Variants in RTN4 observed in about 807,000 individuals in gnomAD.
RTN4 encodes reticulon 4.
In RTN4, 32 loss-of-function variants were observed where a neutral mutation model predicts 90.4. That is an observed-to-expected ratio of 0.35 (90% CI 0.27 to 0.48). RTN4 has a LOEUF of 0.48. Ranked by LOEUF, RTN4 falls within the 20% of genes least tolerant of loss-of-function variation. The pLI is 0.99. For synonymous variants in RTN4, 629 were observed against 552.5 expected, an observed-to-expected ratio of 1.14 and a Z score of -1.94; for missense variants, 1,706 against 1,430.2, an observed-to-expected ratio of 1.19 and a Z score of -3.11.
At chr2:54,981,245 C>T (rs957305530) in intron 5 of RTN4, among the ~76,000 whole-genome samples, 9 of 150,668 alleles carry the variant, frequency 6.0e-5, no homozygotes, top group African/African-American at 9.8e-5. Flanking sequence ...CTGAAAATAA[C>T]GTATCAACTA....
At chr2:55,015,231 G>C (rs2104811622) in intron 3 of RTN4, among the ~76,000 whole-genome samples, 1 of 152,178 alleles carries the variant, frequency 6.6e-6, no homozygotes, top group Non-Finnish European at 1.5e-5. Flanking sequence ...TTTTCCACAA[G>C]ATTGCTGCCT....
intron 1 of RTN4, 48 bp from the exon 2 acceptor site, chr2:55,028,268 A>G (rs765324200): frequency 6.5e-7 from 1 of 1,530,422 alleles, no homozygotes; most frequent in East Asian, 2.3e-5. Context: ...AGACAGATTG[A>G]AAGGAGACTA....
intron 1 of RTN4, among the ~76,000 whole-genome samples, chr2:55,042,992 C>T (rs1241554432): frequency 6.6e-6 from 1 of 152,174 alleles, no homozygotes; most frequent in Non-Finnish European, 1.5e-5. Context: ...CAATGATCAT[C>T]ATTCCAAGAA....
chr2:55,120,652 G>T, the RTN4 span, among the ~76,000 whole-genome samples: 3 of 152,108 alleles, frequency 2.0e-5, no homozygotes, highest in Admixed American at 2.0e-4. Context: ...TCTCAAGCAA[G>T]TGAAAAAATG....
At chr2:55,077,731 A>G (rs1668627887) in intron 2 of RTN4, among the ~76,000 whole-genome samples, 1 of 150,128 alleles carries the variant, frequency 6.7e-6, no homozygotes, top group Non-Finnish European at 1.5e-5. Context: ...CCATCAATCA[A>G]CAAGTGGATA....
rs777467035 is a variant in RTN4, at chr2:54,987,732, GTTATT to G, written c.3014-39_3014-35del. ...TGAAAAAGAAATCTGAAATTAGAAT[GTTATT>G]TTATCAATTTGGATTTGCTCCATCT... On this transcript the variant is annotated intron_variant, in intron 3 of 8. Coordinates refer to ENST00000337526, the MANE Select transcript of RTN4 (RefSeq NM_020532.5). 14 of 1,521,792 alleles carry G rather than the reference GTTATT, an allele frequency of 9.2e-6. No homozygotes were observed. The South Asian group carries it at 1.4e-4, about 15-fold the overall frequency. 94.3% of individuals were successfully genotyped at this position (1,521,792 alleles called of 1,614,324 possible).
intron 2 of RTN4, among the ~76,000 whole-genome samples, chr2:55,076,556 C>G (rs1381986913): frequency 6.6e-6 from 1 of 151,970 alleles, no homozygotes; most frequent in African/African-American, 2.4e-5. Context: ...TGCATAACCA[C>G]GCTGAGCTAA....
At chr2:55,126,364 C>T in the RTN4 span, among the ~76,000 whole-genome samples, 3 of 150,556 alleles carry the variant, frequency 2.0e-5, no homozygotes, top group African/African-American at 7.3e-5. Flanking sequence ...AGCAAAACTC[C>T]GTCTCAAAAA....
intron 3 of RTN4, among the ~76,000 whole-genome samples, chr2:55,001,060 A>G (rs1415798888): frequency 2.0e-5 from 3 of 152,042 alleles, no homozygotes; most frequent in Admixed American, 6.5e-5. Flanking sequence ...TTTAAGAATG[A>G]TATTAAAATT....
chr2:55,026,532 G>C lies in RTN4; in HGVS notation c.1567C>G (p.Gln523Glu), dbSNP rs940970781. ...KTSNPFLVAA[Q>E]DSETDYVTTD... The stretch of plus-strand genomic sequence containing the variant: ...GTGACATAATCTGTCTCAGAATCCT[G>C]TGCTGCTACAAGAAAAGGGTTTGAT... Residue 523 changes from glutamine (Q) to glutamate (E), a missense_variant, in exon 3 of 9, where the codon CAG (glutamine) becomes GAG (glutamate). Gln to Glu is a conservative substitution (Grantham distance 29). Transcript: ENST00000337526. 9 of 1,613,788 alleles carry C rather than the reference G, an allele frequency of 5.6e-6. No individual in the cohort carries two copies. Among genetic ancestry groups the C allele is most frequent in the Non-Finnish European group, 7.6e-6 (9 of 1,179,916 alleles).
At chr2:55,099,759 G>T (rs1169535398) in intron 1 of RTN4, among the ~76,000 whole-genome samples, 1 of 152,074 alleles carries the variant, frequency 6.6e-6, no homozygotes, top group Non-Finnish European at 1.5e-5. Flanking sequence ...CTGTGCTTCA[G>T]TTTTTCTCAA....
chr2:55,109,521 G>C (rs972294028), intron 1 of RTN4, among the ~76,000 whole-genome samples: 1 of 152,088 alleles, frequency 6.6e-6, no homozygotes, highest in Admixed American at 6.6e-5. Context: ...GCTTTGACAA[G>C]GACATTTATC....
At chr2:55,108,200 C>T (rs952111163) in intron 1 of RTN4, among the ~76,000 whole-genome samples, 5 of 152,144 alleles carry the variant, frequency 3.3e-5, no homozygotes, top group African/African-American at 1.2e-4. Flanking sequence ...GGTGATCCAC[C>T]TGCCTCGGCC....
At chr2:55,125,888 C>T in the RTN4 span, among the ~76,000 whole-genome samples, 2 of 150,700 alleles carry the variant, frequency 1.3e-5, no homozygotes, top group Non-Finnish European at 3.0e-5. Flanking sequence ...AGTGAAACCC[C>T]ATCTCTAATA....
At chr2:55,068,326 T>A (rs1041466667) in intron 2 of RTN4, among the ~76,000 whole-genome samples, 2 of 152,148 alleles carry the variant, frequency 1.3e-5, no homozygotes, top group Non-Finnish European at 2.9e-5. Flanking sequence ...AACATCATAT[T>A]GAAAATATCA....
At chr2:55,021,166 C>A (rs1681400488) in intron 3 of RTN4, among the ~76,000 whole-genome samples, 1 of 152,126 alleles carries the variant, frequency 6.6e-6, no homozygotes, top group African/African-American at 2.4e-5. Flanking sequence ...TTTAAGTCAT[C>A]TGAGAAGAGA....
intron 6 of RTN4, 34 bp from the exon 7 acceptor site, chr2:54,973,901 ACGGAATGATTT>A: frequency 6.3e-7 from 1 of 1,591,626 alleles, no homozygotes; most frequent in Non-Finnish European, 8.6e-7. Flanking sequence ...TTCAAAAAGA[ACGGAATGATTT>A]GGGAGGAATA....
intron 1 of RTN4, among the ~76,000 whole-genome samples, chr2:55,098,897 T>C (rs571274470): frequency 1.3e-5 from 2 of 152,296 alleles, no homozygotes; most frequent in African/African-American, 4.8e-5. Context: ...ATTTTCTAAA[T>C]TGGCATTTGG....
chr2:55,050,065 A>G lies in RTN4; in HGVS notation c.236T>C (p.Met79Thr). 1 of 1,443,908 alleles carries G rather than the reference A, an allele frequency of 6.9e-7. No homozygotes were observed. Among genetic ancestry groups the G allele is most frequent in the South Asian group, 1.4e-5 (1 of 71,208 alleles). 89.4% of individuals were successfully genotyped at this position (1,443,908 alleles called of 1,614,324 possible). Reference protein sequence around the residue: ...PTAPAAGAPLMDFGNDFVPPA... With the variant: ...PTAPAAGAPLTDFGNDFVPPA... ...CGGCACGAAGTCATTTCCGAAGTCC[A>G]TCAGGGGCGCGCCGGCGGCAGGGGC... Residue 79 changes from methionine to threonine, a missense_variant, in exon 1 of 9, where the codon ATG (methionine) becomes ACG (threonine). Coordinates refer to ENST00000337526, the MANE Select transcript of RTN4 (RefSeq NM_020532.5). This position sits in a 1 kb window ranked among gnomAD's most constrained non-coding sequence, Gnocchi z 4.6.
Sources: allele counts gnomAD v4.1 joint callset (sites outside exome capture counted in the v4.1 genomes callset), GRCh38; gene constraint gnomAD v4.1.1; non-coding constraint Gnocchi (gnomAD v3.1); transcripts MANE v1.5; gene names NCBI Gene and HGNC (gene_info 2026-07-23, HGNC 2026-07-21).